The following RAB11FIP3 variants were observed in gnomAD, a reference collection of about 807,000 sequenced individuals.
RAB11FIP3 encodes the protein RAB11 family interacting protein 3, also known as rab11 family-interacting protein 3.
In RAB11FIP3, 17 loss-of-function variants were observed where a neutral mutation model predicts 77.8. The observed-to-expected ratio is 0.22, with a 90% CI of 0.15 to 0.33. RAB11FIP3 has a LOEUF of 0.33. RAB11FIP3 is among the 10% of genes least tolerant of loss of function. The pLI, the probability that RAB11FIP3 is intolerant of heterozygous loss-of-function variation, is 1.00. For missense variants in RAB11FIP3, 1,005 were observed against 1,011.2 expected, an observed-to-expected ratio of 0.99 and a Z score of 0.08; for synonymous variants, 437 against 448.2, an observed-to-expected ratio of 0.98 and a Z score of 0.31.
At chr16:491,660 A>G (rs1308280873) in intron 5 of RAB11FIP3, among the ~76,000 whole-genome samples, 2 of 152,238 alleles carry the variant, frequency 1.3e-5, no homozygotes, top group Non-Finnish European at 2.9e-5. Flanking sequence ...GTCAGTTTAA[A>G]TGGAGTTTTG....
intron 1 of RAB11FIP3, among the ~76,000 whole-genome samples, chr16:439,764 T>C (rs2055194284): frequency 6.6e-6 from 1 of 151,762 alleles, no homozygotes; most frequent in Non-Finnish European, 1.5e-5. Flanking sequence ...TCTGGAAAGG[T>C]GGGACAACTC....
intron 4 of RAB11FIP3, among the ~76,000 whole-genome samples, chr16:488,420 T>A (rs1348549247): frequency 6.6e-6 from 1 of 152,104 alleles, no homozygotes. Flanking sequence ...ATTTATTTTT[T>A]TTTTTTGAGA....
intron 7 of RAB11FIP3, among the ~76,000 whole-genome samples, chr16:503,411 C>G (rs2031639936): frequency 6.6e-6 from 1 of 152,190 alleles, no homozygotes; most frequent in South Asian, 2.1e-4. Context: ...GGGGGACACC[C>G]AGACATTCAG....
intron 5 of RAB11FIP3, among the ~76,000 whole-genome samples, chr16:489,765 G>A (rs1012032066): frequency 6.1e-5 from 8 of 131,854 alleles, no homozygotes; most frequent in African/African-American, 2.2e-4. Context: ...CCTGGGTGGA[G>A]GGCGGTGCAG....
chr16:509,962 G>T (rs896728974), intron 8 of RAB11FIP3, among the ~76,000 whole-genome samples: 1 of 152,240 alleles, frequency 6.6e-6, no homozygotes, highest in Non-Finnish European at 1.5e-5. Context: ...CGCGGACCAC[G>T]TGCTCATCAG....
In RAB11FIP3 at chr16:521,290, G is replaced by A. The variant is rs1459801446; in HGVS notation, c.*451G>A. ...CTGTTGGGAAGAAAGGAAGAAAACA[G>A]GTCCCTCCAGGGGTGCTGCTGCCTA... On this transcript the variant is annotated 3_prime_UTR_variant, in exon 14 of 14. Transcript: ENST00000262305. 2 of 180,232 alleles carry A rather than the reference G, an allele frequency of 1.1e-5. No individual in the cohort carries two copies. Among genetic ancestry groups the A allele is most frequent in the Admixed American group, 1.1e-4 (2 of 18,228 alleles). 11.2% of individuals were successfully genotyped at this position (180,232 alleles called of 1,614,324 possible). A position where few individuals can be genotyped will look rare whatever the true frequency, so the allele number is the denominator to read the frequency against.
At chr16:454,049 G>A (rs950078250) in intron 1 of RAB11FIP3, among the ~76,000 whole-genome samples, 1 of 152,116 alleles carries the variant, frequency 6.6e-6, no homozygotes, top group Non-Finnish European at 1.5e-5. Context: ...CAAGAAAAGA[G>A]ACATGAGATG....
chr16:457,055 G>A (rs1225311253), intron 1 of RAB11FIP3, among the ~76,000 whole-genome samples: 1 of 152,018 alleles, frequency 6.6e-6, no homozygotes. Flanking sequence ...TATTATTGCT[G>A]TGGTTTCTGA....
intron 8 of RAB11FIP3, among the ~76,000 whole-genome samples, chr16:510,111 C>CG (rs1355014142): frequency 6.8e-6 from 1 of 148,118 alleles, no homozygotes; most frequent in Non-Finnish European, 1.5e-5. Flanking sequence ...CCCGAGTCCC[C>CG]GTGCCTCTGG....
At chr16:477,893 T>C (rs1395878207) in intron 3 of RAB11FIP3, among the ~76,000 whole-genome samples, 2 of 152,220 alleles carry the variant, frequency 1.3e-5, no homozygotes, top group African/African-American at 4.8e-5. Context: ...GCAGTCCTTG[T>C]TTCTGTGCTT....
chr16:491,551 A>G (rs2030191597), intron 5 of RAB11FIP3, among the ~76,000 whole-genome samples: 1 of 152,222 alleles, frequency 6.6e-6, no homozygotes, highest in Non-Finnish European at 1.5e-5. Context: ...TACTTTCTGC[A>G]TTTTACTAAA....
chr16:466,542 G>A (rs939944726), intron 2 of RAB11FIP3, among the ~76,000 whole-genome samples: 5 of 152,232 alleles, frequency 3.3e-5, no homozygotes, highest in Non-Finnish European at 5.9e-5. Context: ...CCTCTAGCCT[G>A]GCCTGCTGCC....
rs571867799 is a variant in RAB11FIP3, at chr16:432,426, A to C, written c.714+5706A>C. On this transcript the variant is annotated intron_variant, in intron 1 of 13. Coordinates refer to ENST00000262305, the MANE Select transcript of RAB11FIP3 (RefSeq NM_014700.4). ...AGTAGGTAAAATACTAGTAGATAAA[A>C]TAAGAAAAATAAGGAGCCCTTGTAA... Among the ~76,000 whole-genome samples, 4 of 152,214 alleles carry C rather than the reference A, an allele frequency of 2.6e-5. No homozygotes were observed. In the East Asian group the frequency reaches 5.8e-4, roughly 22 times the overall value.
rs750252559 is a variant in RAB11FIP3, at chr16:471,256, T to C, written c.809-39T>C. 3.2e-6 allele frequency: 5 copies of C among 1,562,560 alleles called. No homozygotes were observed. The African/African-American group carries it at 6.8e-5, about 21-fold the overall frequency. ...GCCAGGGGTCCCGTCACTGGGTGGC[T>C]ATGGGTGGCCTGTTGAGCACGAGGT... On this transcript the variant is annotated intron_variant, in intron 2 of 13. Transcript: ENST00000262305. The surrounding 1 kb of genome is among the most constrained non-coding windows in gnomAD (Gnocchi z 4.4).
chr16:430,167 C>G (rs2055013904), intron 1 of RAB11FIP3, among the ~76,000 whole-genome samples: 1 of 152,118 alleles, frequency 6.6e-6, no homozygotes, highest in African/African-American at 2.4e-5. Context: ...ATTTTTAAGG[C>G]TTCAACCATC....
At chr16:428,140 C>T (rs553216762) in intron 1 of RAB11FIP3, among the ~76,000 whole-genome samples, 26 of 152,080 alleles carry the variant, frequency 1.7e-4, no homozygotes, top group Non-Finnish European at 3.1e-4. Context: ...ACACAGGGTC[C>T]TGATAAATCA....
chr16:494,744 C>T (rs920716152), intron 5 of RAB11FIP3, among the ~76,000 whole-genome samples: 13 of 152,186 alleles, frequency 8.5e-5, no homozygotes, highest in African/African-American at 2.7e-4. Flanking sequence ...GGGCTGAAAT[C>T]GCAGTGCTTT....
At position 520,491 on chromosome 16, in the gene RAB11FIP3, G is replaced by A; in HGVS notation, c.2049G>A (p.Glu683=). ...GCAACCTGAAGGAGCAGAACGAGGA[G>A]CTGAACGGGCAGATCATTACCCTCA... ...DNRNLKEQNE[E]LNGQIITLSI... Residue 683 remains glutamate (E), a synonymous_variant, in exon 13 of 14, where the codon GAG becomes GAA. Transcript: ENST00000262305. The A allele has an allele frequency of 6.2e-7, 1 of 1,613,672 alleles. No individual in the cohort carries two copies. Among genetic ancestry groups the A allele is most frequent in the South Asian group, 1.1e-5 (1 of 91,090 alleles).
chr16:442,119 G>A (rs1437373698), intron 1 of RAB11FIP3, among the ~76,000 whole-genome samples: 1 of 152,096 alleles, frequency 6.6e-6, no homozygotes, highest in East Asian at 1.9e-4. Flanking sequence ...TTACAGGCAT[G>A]AGCCACCGCG....
Sources: allele counts gnomAD v4.1 joint callset (sites outside exome capture counted in the v4.1 genomes callset), GRCh38; gene constraint gnomAD v4.1.1; non-coding constraint Gnocchi (gnomAD v3.1); transcripts MANE v1.5; gene names NCBI Gene and HGNC (gene_info 2026-07-23, HGNC 2026-07-21).